The following TMEM62 variants were observed in gnomAD, a reference collection of about 807,000 sequenced individuals.
TMEM62 encodes the protein transmembrane protein 62.
TMEM62 carries 41 observed loss-of-function variants against 70.4 expected under a neutral mutation model. That is an observed-to-expected ratio of 0.58 (90% CI 0.45 to 0.76). The LOEUF (loss-of-function observed/expected upper bound fraction) is 0.76. Among genes scored for constraint, TMEM62 ranks in the 30% least tolerant of loss-of-function variants. The pLI is 0.00. For missense variants in TMEM62, 688 were observed against 788.5 expected (o/e 0.87, Z 1.53); for synonymous variants, 268 against 291.0 (o/e 0.92, Z 0.80).
chr15:43,184,089 A>G, intron 13 of TMEM62, 171 bp from the exon 14 acceptor site: 1 of 623,612 alleles, frequency 1.6e-6, no homozygotes, highest in Non-Finnish European at 2.8e-6. Context: ...ACATGGGCAA[A>G]TACACAACTA....
intron 12 of TMEM62, among the ~76,000 whole-genome samples, chr15:43,179,155 T>C (rs756234753): frequency 2.6e-5 from 4 of 152,262 alleles, no homozygotes; most frequent in Middle Eastern, 3.4e-3. Flanking sequence ...TTCCAGCTAC[T>C]TGGGGGCTGA....
At chr15:43,164,936 G>A (rs774683809) in intron 10 of TMEM62, among the ~76,000 whole-genome samples, 11 of 152,062 alleles carry the variant, frequency 7.2e-5, no homozygotes, top group Non-Finnish European at 8.8e-5. Context: ...CAGACATATT[G>A]GAGCTCCTTT....
intron 12 of TMEM62, chr15:43,180,927 C>T: frequency 3.4e-6 from 1 of 296,920 alleles, no homozygotes; most frequent in Non-Finnish European, 6.2e-6. Context: ...TTTTTTGTTT[C>T]TAGAATCTAT....
intron 13 of TMEM62, 145 bp from the exon 14 acceptor site, chr15:43,184,115 T>G: frequency 1.5e-6 from 1 of 671,288 alleles, no homozygotes; most frequent in Non-Finnish European, 2.6e-6. Context: ...AAGTCAGCTG[T>G]TGTGTTATAA....
intron 10 of TMEM62, among the ~76,000 whole-genome samples, chr15:43,163,706 C>T (rs534523906): frequency 8.6e-5 from 13 of 151,454 alleles, no homozygotes; most frequent in Admixed American, 2.6e-4. Context: ...GGCGTGAACC[C>T]GGGAGGCGGA....
chr15:43,154,760 C>G lies in TMEM62; in HGVS notation c.1111C>G (p.Pro371Ala), dbSNP rs758389136. Residue 371 changes from proline (P) to alanine (A), a missense_variant, in exon 9 of 14, where the codon CCC becomes GCC. By Grantham distance (27) the Pro-to-Ala change is conservative. Coordinates refer to ENST00000260403, the MANE Select transcript of TMEM62 (RefSeq NM_024956.4). ...HLGQAVHVSGPIFVLKWNPRN... is the reference protein window; with the variant it reads ...HLGQAVHVSGAIFVLKWNPRN... The stretch of plus-strand genomic sequence containing the variant: ...AGGCCAGGCTGTTCATGTGTCTGGT[C>G]CCATTTTCGTACTGAAGTGGAATCC... 6.2e-7 allele frequency: 1 copy of G among 1,613,910 alleles called. No homozygotes were observed. Among genetic ancestry groups the G allele is most frequent in the African/African-American group, 1.3e-5 (1 of 74,988 alleles).
At chr15:43,139,557 G>T (rs2035713240) in intron 4 of TMEM62, among the ~76,000 whole-genome samples, 1 of 152,182 alleles carries the variant, frequency 6.6e-6, no homozygotes, top group Non-Finnish European at 1.5e-5. Flanking sequence ...TGAAGGCAAA[G>T]GAAAAGTTCT....
In TMEM62 at chr15:43,133,708, C is replaced by A; in HGVS notation, c.-95C>A. 1 of 896,670 alleles carries A rather than the reference C, an allele frequency of 1.1e-6. No homozygotes were observed. The highest frequency in any genetic ancestry group is 1.5e-6 in the Non-Finnish European group (1 of 677,770). 55.5% of individuals were successfully genotyped at this position (896,670 alleles called of 1,614,324 possible). A position where few individuals can be genotyped will look rare whatever the true frequency, so the allele number is the denominator to read the frequency against. On this transcript the variant is annotated 5_prime_UTR_variant, in exon 1 of 14. Coordinates refer to ENST00000260403, the MANE Select transcript of TMEM62 (RefSeq NM_024956.4). ...CCCGCATCCAGCTCTGGCCCTGCGA[C>A]AATAGAGTCCGGAAGTGCAGGCAAA...
At chr15:43,175,147 A>G (rs1176131658) in intron 11 of TMEM62, among the ~76,000 whole-genome samples, 1 of 152,222 alleles carries the variant, frequency 6.6e-6, no homozygotes, top group Non-Finnish European at 1.5e-5. Context: ...CTCTAAGGCT[A>G]AAGGATTTTT....
At chr15:43,165,856 C>G (rs1014409333) in intron 10 of TMEM62, among the ~76,000 whole-genome samples, 1 of 152,138 alleles carries the variant, frequency 6.6e-6, no homozygotes, top group Non-Finnish European at 1.5e-5. Flanking sequence ...CTCAAAACAG[C>G]TATTTTGAAT....
At chr15:43,139,520 CTT>C (rs1231891263) in intron 4 of TMEM62, among the ~76,000 whole-genome samples, 1 of 152,190 alleles carries the variant, frequency 6.6e-6, no homozygotes. Context: ...AGCTAGGCCT[CTT>C]GAGCTGGAGC....
intron 13 of TMEM62, among the ~76,000 whole-genome samples, chr15:43,182,964 C>T (rs932741340): frequency 1.3e-5 from 2 of 152,238 alleles, no homozygotes; most frequent in Non-Finnish European, 2.9e-5. Flanking sequence ...CTCTTCTCTG[C>T]ACTTCAAGTG....
At chr15:43,137,562 G>A (rs2141471190) in intron 3 of TMEM62, among the ~76,000 whole-genome samples, 1 of 152,400 alleles carries the variant, frequency 6.6e-6, no homozygotes, top group East Asian at 1.9e-4. Flanking sequence ...AGCAGAGGCA[G>A]AGAGCTTGCG....
In TMEM62 at chr15:43,169,654, A is replaced by G. The variant is rs773740406; in HGVS notation, c.1358A>G (p.Tyr453Cys). The G allele has an allele frequency of 3.7e-6, 6 of 1,613,966 alleles. No individual in the cohort carries two copies. The highest frequency in any genetic ancestry group is 5.1e-6 in the Non-Finnish European group (6 of 1,179,964). The change falls in exon 11 of 14, where the codon TAT becomes TGT. Residue 453 changes from tyrosine to cysteine, a missense_variant. Transcript: ENST00000260403. ...CTCACCATTCTCATTATTTTTAGAT[A>G]TCGAGGATACCCAGAGCTTAAAGGT... ...SQLTILIIFR[Y>C]RGYPELKEPS... is the part of the protein sequence containing the mutation.
intron 10 of TMEM62, among the ~76,000 whole-genome samples, chr15:43,164,540 TG>T (rs1267663924): frequency 6.6e-6 from 1 of 152,086 alleles, no homozygotes; most frequent in Non-Finnish European, 1.5e-5. Context: ...ACTTTTTTTT[TG>T]TAGAGACGGG....
At chr15:43,160,009 C>G (rs908639176) in intron 9 of TMEM62, among the ~76,000 whole-genome samples, 2 of 152,042 alleles carry the variant, frequency 1.3e-5, no homozygotes, top group African/African-American at 4.8e-5. Context: ...CACTCTGTCA[C>G]CCAGGCTGGA....
chr15:43,138,677 T>C, intron 4 of TMEM62, 58 bp downstream of exon 4: 1 of 1,350,520 alleles, frequency 7.4e-7, no homozygotes, highest in Non-Finnish European at 1.0e-6. Context: ...AAGGAGGGTG[T>C]GGTCAACTCA....
At chr15:43,157,107 T>C (rs2038138556) in intron 9 of TMEM62, among the ~76,000 whole-genome samples, 1 of 152,104 alleles carries the variant, frequency 6.6e-6, no homozygotes, top group Non-Finnish European at 1.5e-5. Context: ...TATCTAATAT[T>C]TTACCTACTC....
At chr15:43,162,328 G>A (rs1232263570) in intron 10 of TMEM62, among the ~76,000 whole-genome samples, 3 of 148,468 alleles carry the variant, frequency 2.0e-5, no homozygotes, top group Admixed American at 6.7e-5. Flanking sequence ...CAGTAGAGTC[G>A]GGGTTTTGCC....
Sources: gnomAD v4.1 joint callset for allele counts (sites outside exome capture counted in the v4.1 genomes callset) on GRCh38, gnomAD v4.1.1 for gene constraint, MANE v1.5 for transcripts, NCBI Gene and HGNC (gene_info 2026-07-23, HGNC 2026-07-21) for gene names.